Variants in ADIPOR2 observed in about 807,000 individuals in gnomAD.
ADIPOR2 encodes adiponectin receptor protein 2.
ADIPOR2 carries 18 observed loss-of-function variants against 40.9 expected under a neutral mutation model. The observed-to-expected ratio is 0.44, with a 90% CI of 0.30 to 0.65. The LOEUF is 0.65. Ranked by LOEUF, ADIPOR2 falls within the 30% of genes least tolerant of loss-of-function variation. The pLI is 0.09. For synonymous variants in ADIPOR2, 165 were observed against 166.4 expected (o/e 0.99, Z 0.06); for missense variants, 283 against 479.2 (o/e 0.59, Z 3.82).
chr12:1,735,093 C>T (rs561480893), intron 1 of ADIPOR2, among the ~76,000 whole-genome samples: 6 of 152,210 alleles, frequency 3.9e-5, no homozygotes. Context: ...TTTTTGCTTC[C>T]ATATGAACTT....
At chr12:1,721,045 A>C (rs1447958931) in intron 1 of ADIPOR2, among the ~76,000 whole-genome samples, 3 of 152,002 alleles carry the variant, frequency 2.0e-5, no homozygotes, top group Non-Finnish European at 4.4e-5. Context: ...CTGCCTTTCC[A>C]GACCAAACCA....
At chr12:1,742,055 G>C (rs2094743950) in intron 1 of ADIPOR2, among the ~76,000 whole-genome samples, 1 of 151,584 alleles carries the variant, frequency 6.6e-6, no homozygotes, top group African/African-American at 2.4e-5. Flanking sequence ...CCAATGAGGA[G>C]TCAGAGAATT....
At chr12:1,730,247 C>T (rs544965061) in intron 1 of ADIPOR2, among the ~76,000 whole-genome samples, 2 of 147,756 alleles carry the variant, frequency 1.4e-5, no homozygotes, top group East Asian at 4.0e-4. Context: ...TAAACAAAAA[C>T]TTAGGGGGAA....
intron 1 of ADIPOR2, among the ~76,000 whole-genome samples, chr12:1,715,875 C>G (rs891517880): frequency 1.3e-5 from 2 of 152,140 alleles, no homozygotes; most frequent in African/African-American, 4.8e-5. Context: ...ATGGACCAAT[C>G]AGTGCCCTGT....
At position 1,780,479 on chromosome 12, in the gene ADIPOR2, CT is replaced by C; in HGVS notation, c.496del (p.Tyr166IlefsTer24). 1 of 1,611,950 alleles carries C rather than the reference CT, an allele frequency of 6.2e-7. No homozygotes were observed. Among genetic ancestry groups the C allele is most frequent in the East Asian group, 2.2e-5 (1 of 44,818 alleles). Reference protein sequence around the residue: ...GCVFFLCLGIFYMFRPNISFV... With the variant: ...GCVFFLCLGIXYMFRPNISFV... ...GTGTATTCTTCCTGTGCCTGGGGAT[CT>C]TTTATATGTTTCGCCCAAATATCTC... On this transcript the variant is annotated frameshift_variant, in exon 5 of 8. Coordinates refer to ENST00000357103, the MANE Select transcript of ADIPOR2 (RefSeq NM_024551.3). LOFTEE classifies it high-confidence loss of function.
chr12:1,694,759 A>G (rs150956976), intron 1 of ADIPOR2, among the ~76,000 whole-genome samples: 169 of 152,342 alleles, frequency 1.1e-3, no homozygotes, highest in African/African-American at 3.8e-3. Context: ...TTGTGTGCAT[A>G]TACAAGTAAT....
At chr12:1,782,619 C>T (rs1862740168) in intron 6 of ADIPOR2, among the ~76,000 whole-genome samples, 1 of 152,066 alleles carries the variant, frequency 6.6e-6, no homozygotes, top group South Asian at 2.1e-4. Context: ...AGTATTTAAT[C>T]CTCCACGTAT....
chr12:1,761,690 C>T (rs888190213), intron 2 of ADIPOR2, among the ~76,000 whole-genome samples: 1 of 152,168 alleles, frequency 6.6e-6, no homozygotes, highest in Non-Finnish European at 1.5e-5. Context: ...TAAATTCAAA[C>T]TTACTATAAA....
At chr12:1,773,740 A>G (rs1862533482) in intron 3 of ADIPOR2, among the ~76,000 whole-genome samples, 1 of 152,136 alleles carries the variant, frequency 6.6e-6, no homozygotes, top group African/African-American at 2.4e-5. Context: ...TTTAGAGAGA[A>G]ATTTTTGTGA....
At chr12:1,694,508 T>C (rs2094633918) in intron 1 of ADIPOR2, among the ~76,000 whole-genome samples, 1 of 152,244 alleles carries the variant, frequency 6.6e-6, no homozygotes, top group Non-Finnish European at 1.5e-5. Flanking sequence ...ATGTAAATAG[T>C]TGTTATACTG....
chr12:1,781,645 T>A lies in ADIPOR2; in HGVS notation c.838+569T>A, dbSNP rs114495632. Among the ~76,000 whole-genome samples the A allele has an allele frequency of 3.6e-3, 544 of 152,288 alleles. 3 individuals carry two copies. Among genetic ancestry groups the A allele is most frequent in the African/African-American group, 0.013 (522 of 41,564 alleles). ...ATAGAGAAAGCCACAAGCCCCTCAG[T>A]GCCTTGGCTGAGTCTTCTTGTAGGA... On this transcript the variant is annotated intron_variant, in intron 6 of 7. Coordinates refer to ENST00000357103, the MANE Select transcript of ADIPOR2 (RefSeq NM_024551.3).
intron 1 of ADIPOR2, among the ~76,000 whole-genome samples, chr12:1,695,354 T>TAA (rs1203407503): frequency 5.0e-5 from 7 of 140,354 alleles, no homozygotes; most frequent in Non-Finnish European, 4.7e-5. Context: ...CTCTGTCTCT[T>TAA]AAAAAAAAAA....
chr12:1,785,797 C>T, intron 7 of ADIPOR2, 147 bp from the exon 8 acceptor site: 1 of 1,083,456 alleles, frequency 9.2e-7, no homozygotes, highest in Non-Finnish European at 1.3e-6. Context: ...GTTCCAGGAT[C>T]TGTGGACGCC....
chr12:1,719,461 C>A (rs2094693668), intron 1 of ADIPOR2, among the ~76,000 whole-genome samples: 1 of 152,082 alleles, frequency 6.6e-6, no homozygotes, highest in East Asian at 1.9e-4. Context: ...TCTGACTCTG[C>A]CATTTAGTAA....
intron 2 of ADIPOR2, among the ~76,000 whole-genome samples, chr12:1,769,691 G>A (rs141932770): frequency 6.6e-6 from 1 of 152,050 alleles, no homozygotes; most frequent in African/African-American, 2.4e-5. Flanking sequence ...ACAGGCGCTC[G>A]CCACCTCACC....
chr12:1,704,225 T>C (rs1456063844), intron 1 of ADIPOR2, among the ~76,000 whole-genome samples: 2 of 152,126 alleles, frequency 1.3e-5, no homozygotes, highest in African/African-American at 4.8e-5. Context: ...TTGCAGTCTT[T>C]TTGTCCTTCA....
chr12:1,748,611 T>C (rs116923838), intron 1 of ADIPOR2, among the ~76,000 whole-genome samples: 2,252 of 152,186 alleles, frequency 0.015, 21 homozygotes, highest in Middle Eastern at 0.051. Flanking sequence ...GTGACCTAAA[T>C]TTACAGGTTG....
chr12:1,730,414 G>A (rs2094717417), intron 1 of ADIPOR2, among the ~76,000 whole-genome samples: 1 of 151,076 alleles, frequency 6.6e-6, no homozygotes, highest in African/African-American at 2.4e-5. Flanking sequence ...TCAGGAGATC[G>A]AGACCATCCT....
Position 1,788,488 on chromosome 12 carries a change from A to C in ADIPOR2, c.*2416A>C, listed in dbSNP as rs942942429. ...ACCTCTACAGCTTCATTCTTTCACC[A>C]TTAAATAGTGGCCTTTTTCAGTATT... On this transcript the variant is annotated 3_prime_UTR_variant, in exon 8 of 8. Transcript: ENST00000357103. 2.6e-5 allele frequency: 4 copies of C among 152,582 alleles called. No individual in the cohort carries two copies. Among genetic ancestry groups the C allele is most frequent in the African/African-American group, 9.7e-5 (4 of 41,418 alleles). The allele number at this position is 152,582 out of a possible 1,614,324, so 9.5% of individuals were successfully genotyped here.
Sources: gnomAD v4.1 joint callset for allele counts (sites outside exome capture counted in the v4.1 genomes callset) on GRCh38, gnomAD v4.1.1 for gene constraint, MANE v1.5 for transcripts, NCBI Gene and HGNC (gene_info 2026-07-23, HGNC 2026-07-21) for gene names.